RBMS1: variants seen among roughly 807,000 people sequenced by gnomAD.
The protein encoded by RBMS1 is RNA-binding motif, single-stranded-interacting protein 1.
In RBMS1, 17 loss-of-function variants were observed where a neutral mutation model predicts 62.3. That is an observed-to-expected ratio of 0.27 (90% CI 0.19 to 0.41). The LOEUF (loss-of-function observed/expected upper bound fraction) is 0.41, where lower values mean the gene tolerates loss of function less well. RBMS1 is among the 10% of genes least tolerant of loss of function. RBMS1 has a pLI of 1.00. For synonymous variants in RBMS1, 172 were observed against 170.0 expected (o/e 1.01, Z -0.09); for missense variants, 334 against 504.5 (o/e 0.66, Z 3.24).
At chr2:160,361,808 A>G (rs1693145357) in intron 2 of RBMS1, among the ~76,000 whole-genome samples, 1 of 152,222 alleles carries the variant, frequency 6.6e-6, no homozygotes, top group South Asian at 2.1e-4. Context: ...CAGCCTGGGC[A>G]ACACAGTGAG....
intron 2 of RBMS1, among the ~76,000 whole-genome samples, chr2:160,347,874 A>G (rs1692272633): frequency 6.6e-6 from 1 of 152,046 alleles, no homozygotes; most frequent in African/African-American, 2.4e-5. Context: ...AGAGTGCTTT[A>G]TTACTTAGTG....
chr2:160,345,321 G>A (rs754238373), intron 2 of RBMS1, among the ~76,000 whole-genome samples: 3 of 152,064 alleles, frequency 2.0e-5, no homozygotes, highest in Non-Finnish European at 4.4e-5. Context: ...GAAAGGGTGA[G>A]TTACTAACAT....
At chr2:160,320,932 G>A (rs967901061) in intron 2 of RBMS1, among the ~76,000 whole-genome samples, 2 of 151,968 alleles carry the variant, frequency 1.3e-5, no homozygotes, top group Non-Finnish European at 1.5e-5. Flanking sequence ...TTCCAAAAGC[G>A]GGGGGACGGT....
chr2:160,324,882 G>GTGTATATATATATATATA (rs1206910746), intron 2 of RBMS1, among the ~76,000 whole-genome samples: 11 of 100,004 alleles, frequency 1.1e-4, no homozygotes, highest in Non-Finnish European at 2.1e-4. Context: ...GTGTGTGTGT[G>GTGTATATATATATATATA]TATATATATA....
At chr2:160,355,583 G>GT (rs1187743643) in intron 2 of RBMS1, among the ~76,000 whole-genome samples, 5 of 152,016 alleles carry the variant, frequency 3.3e-5, no homozygotes, top group African/African-American at 1.2e-4. Context: ...GGGGCAGCAT[G>GT]TATCACCCAC....
chr2:160,282,136 T>C, intron 9 of RBMS1: 1 of 912,544 alleles, frequency 1.1e-6, no homozygotes, highest in South Asian at 1.3e-5. Context: ...TTTTATTAAG[T>C]TTCAGTTTCC....
In RBMS1 at chr2:160,423,004, T is replaced by C. The variant is rs369785445; in HGVS notation, c.76-55613A>G. On this transcript the variant is annotated intron_variant, in intron 1 of 13. Transcript: ENST00000348849. ...CATTCATTATTTACATGAAATTCTC[T>C]CAGTTATCTCTCAAATACATATCTA... Among the ~76,000 whole-genome samples the C allele has an allele frequency of 5.6e-4, 86 of 152,322 alleles. No individual in the cohort carries two copies. In the South Asian group the frequency reaches 0.012, roughly 22 times the overall value.
intron 1 of RBMS1, among the ~76,000 whole-genome samples, chr2:160,477,566 CT>C (rs953979642): frequency 6.2e-4 from 90 of 145,230 alleles, no homozygotes; most frequent in Non-Finnish European, 5.3e-4. Context: ...CCATGCCTGG[CT>C]TTTTTTTTTT....
At position 160,318,229 on chromosome 2, in the gene RBMS1, T is replaced by TAAAAAAAAAAAAAAAAAAAAAAAAAA. The variant is rs5835799; in HGVS notation, c.252-3_252-2insTTTTTTTTTTTTTTTTTTTTTTTTTT. On this transcript the variant is annotated splice_polypyrimidine_tract_variant and splice_region_variant and intron_variant, in intron 2 of 13. Coordinates refer to ENST00000348849, the MANE Select transcript of RBMS1 (RefSeq NM_016836.4). ...TTTGTGGAGACTATTTTCCCATATC[T>TAAAAAAAAAAAAAAAAAAAAAAAAAA]AAAAAAAAAAAAAAAAAAAAAAAGG... 22 of 1,164,708 alleles carry TAAAAAAAAAAAAAAAAAAAAAAAAAA rather than the reference T, an allele frequency of 1.9e-5. No individual in the cohort carries two copies. The highest frequency in any genetic ancestry group is 8.1e-5 in the South Asian group (4 of 49,564). The allele number at this position is 1,164,708 out of a possible 1,614,324, so 72.1% of individuals were successfully genotyped here.
Position 160,318,229 on chromosome 2 carries a change from T to TAAAAAAAAAAAAAAAAAAAAAAAAAAAA in RBMS1, c.252-3_252-2insTTTTTTTTTTTTTTTTTTTTTTTTTTTT. 1.3e-5 allele frequency: 15 copies of TAAAAAAAAAAAAAAAAAAAAAAAAAAAA among 1,164,702 alleles called. No individual in the cohort carries two copies. The highest frequency in any genetic ancestry group is 3.1e-4 in the Middle Eastern group (1 of 3,226). The allele number at this position is 1,164,702 out of a possible 1,614,324, so 72.1% of individuals were successfully genotyped here. On this transcript the variant is annotated splice_polypyrimidine_tract_variant and splice_region_variant and intron_variant, in intron 2 of 13. Coordinates refer to ENST00000348849, the MANE Select transcript of RBMS1 (RefSeq NM_016836.4). The stretch of plus-strand genomic sequence containing the variant: ...TTTGTGGAGACTATTTTCCCATATC[T>TAAAAAAAAAAAAAAAAAAAAAAAAAAAA]AAAAAAAAAAAAAAAAAAAAAAAGG...
intron 2 of RBMS1, among the ~76,000 whole-genome samples, chr2:160,329,916 T>G (rs1471265057): frequency 6.6e-6 from 1 of 151,970 alleles, no homozygotes; most frequent in African/African-American, 2.4e-5. Flanking sequence ...TTCTAGAAAC[T>G]AAAGGCAGAT....
rs1689866017 is a variant in RBMS1, at chr2:160,311,232, C to CTATATATCTATATATCTATATATATA, written c.402+1923_402+1924insTATATATATAGATATATAGATATATA. The stretch of plus-strand genomic sequence containing the variant: ...AAAATCTATCTATCTATCTATCTAT[C>CTATATATCTATATATCTATATATATA]TATATATATATATATATATATATAT... On this transcript the variant is annotated intron_variant, in intron 4 of 13. Transcript: ENST00000348849. Among the ~76,000 whole-genome samples the CTATATATCTATATATCTATATATATA allele has an allele frequency of 5.8e-3, 459 of 79,140 alleles. 4 individuals are homozygous for CTATATATCTATATATCTATATATATA. Among genetic ancestry groups the CTATATATCTATATATCTATATATATA allele is most frequent in the Admixed American group, 8.3e-3 (47 of 5,648 alleles). 51.9% of individuals were successfully genotyped at this position (79,140 alleles called of 152,430 possible).
chr2:160,303,281 T>C, intron 5 of RBMS1, 49 bp downstream of exon 5: 1 of 1,492,442 alleles, frequency 6.7e-7, no homozygotes, highest in Non-Finnish European at 9.0e-7. Context: ...CAAGATAACT[T>C]GGCAAAGCTA....
intron 1 of RBMS1, among the ~76,000 whole-genome samples, chr2:160,369,487 C>A (rs1693603942): frequency 6.6e-6 from 1 of 152,192 alleles, no homozygotes; most frequent in South Asian, 2.1e-4. Flanking sequence ...TGTCCCAAGC[C>A]TTTGATTGAC....
At chr2:160,407,616 C>G in intron 1 of RBMS1, 1 of 982,126 alleles carries the variant, frequency 1.0e-6, no homozygotes, top group Non-Finnish European at 1.2e-6. Flanking sequence ...AAGGAGGTGG[C>G]CGGCCGGGCC....
chr2:160,355,315 G>A (rs984807245), intron 2 of RBMS1, among the ~76,000 whole-genome samples: 1 of 152,072 alleles, frequency 6.6e-6, no homozygotes, highest in African/African-American at 2.4e-5. Flanking sequence ...TGGAATTCAT[G>A]CATTACTTCT....
chr2:160,292,954 G>A (rs964576112), intron 6 of RBMS1, among the ~76,000 whole-genome samples: 2 of 152,298 alleles, frequency 1.3e-5, no homozygotes, highest in East Asian at 1.9e-4. Context: ...CTGTTCCAGC[G>A]CTTTTGCTGT....
chr2:160,279,811 C>G (rs1204097126), intron 10 of RBMS1: 1 of 152,144 alleles, frequency 6.6e-6, no homozygotes, highest in Non-Finnish European at 1.5e-5. Flanking sequence ...TGATGTAAAT[C>G]AGGCAGTTTA....
At chr2:160,446,364 G>A (rs1683645923) in intron 1 of RBMS1, among the ~76,000 whole-genome samples, 1 of 152,058 alleles carries the variant, frequency 6.6e-6, no homozygotes, top group Non-Finnish European at 1.5e-5. Context: ...TTATGACAAA[G>A]CTCTTCCTTA....
Sources: allele counts gnomAD v4.1 joint callset (sites outside exome capture counted in the v4.1 genomes callset), GRCh38; gene constraint gnomAD v4.1.1; transcripts MANE v1.5; gene names NCBI Gene and HGNC (gene_info 2026-07-23, HGNC 2026-07-21).